SGIP1: variants seen among roughly 807,000 people sequenced by gnomAD.
The protein encoded by SGIP1 is SH3GL interacting endocytic adaptor 1, also known as SH3-containing GRB2-like protein 3-interacting protein 1.
In SGIP1, 38 loss-of-function variants were observed where a neutral mutation model predicts 107.5. The observed-to-expected ratio is 0.35, with a 90% confidence interval of 0.27 to 0.46. The LOEUF (loss-of-function observed/expected upper bound fraction) is 0.46. Among genes scored for constraint, SGIP1 ranks in the 20% least tolerant of loss-of-function variants. The probability of loss-of-function intolerance (pLI) is 1.00; values close to 1 mark genes in which losing one functional copy is unlikely to be tolerated. For missense variants in SGIP1, 929 were observed against 1,019.5 expected, an observed-to-expected ratio of 0.91 and a Z score of 1.21; for synonymous variants, 365 against 366.1, an observed-to-expected ratio of 1.00 and a Z score of 0.03.
chr1:66,681,713 T>G (rs546348778), intron 14 of SGIP1, among the ~76,000 whole-genome samples, 156 bp from the exon 15 acceptor site: 4 of 152,334 alleles, frequency 2.6e-5, no homozygotes, highest in African/African-American at 9.6e-5. Flanking sequence ...CCCCTCACCT[T>G]AGGCTCCTAA....
At chr1:66,580,783 C>T (rs1032776511) in intron 1 of SGIP1, among the ~76,000 whole-genome samples, 5 of 152,086 alleles carry the variant, frequency 3.3e-5, no homozygotes, top group Non-Finnish European at 7.4e-5. Flanking sequence ...GACTACATAG[C>T]GCTTTTTATG....
intron 1 of SGIP1, among the ~76,000 whole-genome samples, chr1:66,568,626 T>C (rs755819507): frequency 2.0e-5 from 3 of 152,048 alleles, no homozygotes; most frequent in Non-Finnish European, 2.9e-5. Flanking sequence ...ATATCAGCTA[T>C]TGGTTTGTCA....
intron 7 of SGIP1, among the ~76,000 whole-genome samples, chr1:66,657,750 A>G (rs558337725): frequency 1.7e-4 from 26 of 152,122 alleles, no homozygotes; most frequent in Non-Finnish European, 3.1e-4. Context: ...TAACCATTCA[A>G]TGGTTATATT....
In SGIP1 at chr1:66,749,192, T is replaced by C. The variant is rs2094592244; in HGVS notation, c.*6097T>C. On this transcript the variant is annotated 3_prime_UTR_variant, in exon 25 of 25. Transcript: ENST00000371037. ...TTAAGGCTTGCACCTATGACCAGCA[T>C]ATCAGACCCCTATCTGTTGAAGATG... Among the ~76,000 whole-genome samples the C allele has an allele frequency of 6.6e-6, 1 of 152,048 alleles. No homozygotes were observed. The highest frequency in any genetic ancestry group is 1.5e-5 in the Non-Finnish European group (1 of 67,906).
At chr1:66,638,786 C>T (rs756492762) in intron 4 of SGIP1, among the ~76,000 whole-genome samples, 27 of 152,238 alleles carry the variant, frequency 1.8e-4, no homozygotes, top group Non-Finnish European at 3.5e-4. Context: ...GTTTACATTG[C>T]AGTTCAAGTG....
At chr1:66,661,433 T>C (rs1453501360) in intron 8 of SGIP1, among the ~76,000 whole-genome samples, 4 of 152,120 alleles carry the variant, frequency 2.6e-5, no homozygotes, top group Non-Finnish European at 5.9e-5. Context: ...GATACTGTGC[T>C]TACAGAAAAG....
intron 1 of SGIP1, among the ~76,000 whole-genome samples, chr1:66,606,469 C>T (rs560093001): frequency 1.1e-4 from 16 of 152,146 alleles, no homozygotes; most frequent in African/African-American, 1.9e-4. Context: ...AGCAAAAGCA[C>T]GGTGGCTGTG....
chr1:66,660,738 C>T (rs1053756845), intron 8 of SGIP1, among the ~76,000 whole-genome samples: 1 of 152,130 alleles, frequency 6.6e-6, no homozygotes. Flanking sequence ...TTATTAAGGG[C>T]CCTGGGGTAA....
chr1:66,585,784 C>A (rs142623719), intron 1 of SGIP1, among the ~76,000 whole-genome samples: 21 of 152,132 alleles, frequency 1.4e-4, no homozygotes, highest in Admixed American at 1.3e-3. Context: ...GACACTGTGC[C>A]AGGCCAAGAG....
In SGIP1 at chr1:66,568,067, T is replaced by C. The variant is rs557913831; in HGVS notation, c.10+33699T>C. On this transcript the variant is annotated intron_variant, in intron 1 of 24. Transcript: ENST00000371037. ...ATGTCAATGGTAGTTTGGTGGGAAT[T>C]GCATTGAATGTATTAATTACTTTGG... Among the ~76,000 whole-genome samples the C allele has an allele frequency of 3.3e-5, 5 of 152,110 alleles. No individual in the cohort carries two copies. The South Asian group carries it at 1.0e-3, about 32-fold the overall frequency.
rs114103520 is a variant in SGIP1, at chr1:66,543,196, T to G, written c.10+8828T>G. ...GAAGAGCGTCATGATGTGATGTCACTAGTCCAGTGGACTCTAAACTTTCAC... is the reference window on the plus strand; with the variant it reads ...GAAGAGCGTCATGATGTGATGTCACGAGTCCAGTGGACTCTAAACTTTCAC... On this transcript the variant is annotated intron_variant, in intron 1 of 24. Transcript: ENST00000371037. Among the ~76,000 whole-genome samples the G allele has an allele frequency of 6.9e-3, 1,052 of 152,150 alleles. 12 individuals are homozygous for G. The highest frequency in any genetic ancestry group is 0.024 in the African/African-American group (983 of 41,530).
intron 7 of SGIP1, among the ~76,000 whole-genome samples, chr1:66,650,198 T>C (rs1432571099): frequency 6.6e-6 from 1 of 152,200 alleles, no homozygotes; most frequent in Non-Finnish European, 1.5e-5. Flanking sequence ...TTTTTTGTGA[T>C]GCCTTTTGAA....
At chr1:66,679,123 GC>G (rs2086059530) in intron 13 of SGIP1, among the ~76,000 whole-genome samples, 1 of 152,140 alleles carries the variant, frequency 6.6e-6, no homozygotes, top group Admixed American at 6.5e-5. Context: ...CAGTTAGTTT[GC>G]TTCTAACTTT....
At chr1:66,605,673 G>T (rs20354) in intron 1 of SGIP1, among the ~76,000 whole-genome samples, 18,022 of 151,766 alleles carry the variant, frequency 0.12, 1,108 homozygotes, top group South Asian at 0.14. Context: ...AAACAAGCTG[G>T]TATTTTTGTC....
rs932166840 is a variant in SGIP1, at chr1:66,739,227, C to T, written c.2032-108C>T. On this transcript the variant is annotated intron_variant, in intron 21 of 24. Transcript: ENST00000371037. ...TCTCACAGCACGCTTCACGGTGCCT[C>T]TCACTCACGGTTGCTTGTGAGCAGC... 16 of 1,225,146 alleles carry T rather than the reference C, an allele frequency of 1.3e-5. No homozygotes were observed. The African/African-American group carries it at 2.6e-4, about 20-fold the overall frequency. 75.9% of individuals were successfully genotyped at this position (1,225,146 alleles called of 1,614,324 possible). A position where few individuals can be genotyped will look rare whatever the true frequency, so the allele number is the denominator to read the frequency against.
chr1:66,639,720 T>A, intron 4 of SGIP1, 57 bp from the exon 5 acceptor site: 2 of 1,363,614 alleles, frequency 1.5e-6, no homozygotes, highest in Non-Finnish European at 2.1e-6. Context: ...ATGTTCTTTG[T>A]CCCTTTGTTT....
At chr1:66,556,670 T>A (rs892572651) in intron 1 of SGIP1, among the ~76,000 whole-genome samples, 1 of 151,698 alleles carries the variant, frequency 6.6e-6, no homozygotes, top group African/African-American at 2.4e-5. Context: ...ATGGGATGAT[T>A]TGTGCAAGGT....
intron 1 of SGIP1, among the ~76,000 whole-genome samples, chr1:66,557,492 G>A (rs967934999): frequency 1.3e-5 from 2 of 152,026 alleles, no homozygotes; most frequent in Non-Finnish European, 2.9e-5. Flanking sequence ...CATTAAACTC[G>A]GATTTCTCTA....
intron 1 of SGIP1, among the ~76,000 whole-genome samples, chr1:66,536,491 G>C (rs2053636140): frequency 6.6e-6 from 1 of 152,056 alleles, no homozygotes. Flanking sequence ...CAGTCTTTTT[G>C]GCAATATACA....
Sources: gnomAD v4.1 joint callset for allele counts (sites outside exome capture counted in the v4.1 genomes callset) on GRCh38, gnomAD v4.1.1 for gene constraint, MANE v1.5 for transcripts, NCBI Gene and HGNC (gene_info 2026-07-23, HGNC 2026-07-21) for gene names.